The following PLCL1 variants were observed in gnomAD, a reference collection of about 807,000 sequenced individuals.
The protein encoded by PLCL1 is phospholipase C like 1 (inactive).
PLCL1 carries 41 observed loss-of-function variants against 84.4 expected under a neutral mutation model. That is an observed-to-expected ratio of 0.49 (90% confidence interval 0.38 to 0.63). The LOEUF (loss-of-function observed/expected upper bound fraction) is 0.63, where lower values mean the gene tolerates loss of function less well. PLCL1 is among the 30% of genes least tolerant of loss of function. PLCL1 has a pLI of 0.00. For missense variants in PLCL1, 1,206 were observed against 1,367.8 expected (o/e 0.88, Z 1.87); for synonymous variants, 490 against 488.3 (o/e 1.00, Z -0.05).
At position 198,052,139 on chromosome 2, in the gene PLCL1, C is replaced by G. The variant is rs1219425156; in HGVS notation, c.241-31619C>G. Among the ~76,000 whole-genome samples, 4 of 152,052 alleles carry G rather than the reference C, an allele frequency of 2.6e-5. No homozygotes were observed. In the East Asian group the frequency reaches 7.7e-4, roughly 29 times the overall value. On this transcript the variant is annotated intron_variant, in intron 1 of 5. Transcript: ENST00000428675. ...GTTGGCCAGGCTGGTCTCGAACTCC[C>G]TACCTCAGGTGATCCACCCGCCTTG... is the stretch of plus-strand genomic sequence containing the variant.
At position 197,858,163 on chromosome 2, in the gene PLCL1, G is replaced by A. The variant is rs142983325; in HGVS notation, c.240+52824G>A. ...GTCAAAATGAATATGTGATCTATTG[G>A]TAGGGAGGTAGCCTGGGTATTGCAA... On this transcript the variant is annotated intron_variant, in intron 1 of 5. Transcript: ENST00000428675. 2.2e-3 allele frequency among the ~76,000 whole-genome samples: 340 copies of A among 152,264 alleles called. 2 individuals carry two copies. Among genetic ancestry groups the A allele is most frequent in the African/African-American group, 7.7e-3 (320 of 41,542 alleles).
intron 5 of PLCL1, among the ~76,000 whole-genome samples, chr2:198,120,962 A>G (rs1186588905): frequency 6.6e-6 from 1 of 152,168 alleles, no homozygotes; most frequent in East Asian, 1.9e-4. Flanking sequence ...CCTTTTCTCC[A>G]TATCTTCGCC....
At chr2:197,903,097 T>C (rs150595996) in intron 1 of PLCL1, among the ~76,000 whole-genome samples, 138 of 152,260 alleles carry the variant, frequency 9.1e-4, no homozygotes, top group African/African-American at 3.0e-3. Context: ...CTACCATTTT[T>C]CCCCTTAATA....
intron 1 of PLCL1, among the ~76,000 whole-genome samples, chr2:198,015,942 C>T (rs1014588394): frequency 7.2e-5 from 11 of 152,064 alleles, no homozygotes; most frequent in Non-Finnish European, 1.2e-4. Flanking sequence ...TTTTTTACAA[C>T]TTACCTGACA....
At chr2:198,038,289 A>C (rs1327779887) in intron 1 of PLCL1, among the ~76,000 whole-genome samples, 1 of 152,170 alleles carries the variant, frequency 6.6e-6, no homozygotes, top group Non-Finnish European at 1.5e-5. Context: ...AGCCAGGCTC[A>C]GTTGTCTTCA....
chr2:198,113,113 G>A (rs887428112), intron 5 of PLCL1, among the ~76,000 whole-genome samples: 2 of 151,842 alleles, frequency 1.3e-5, no homozygotes, highest in Admixed American at 1.3e-4. Context: ...CGAGGTATCT[G>A]AAAAGATACT....
intron 1 of PLCL1, among the ~76,000 whole-genome samples, chr2:197,949,194 AACC>A (rs1234737230): frequency 1.3e-5 from 2 of 152,170 alleles, no homozygotes; most frequent in African/African-American, 4.8e-5. Context: ...TTTTCTGATA[AACC>A]AGAAGTCAGA....
At chr2:197,907,023 A>T (rs1389304076) in intron 1 of PLCL1, among the ~76,000 whole-genome samples, 2 of 152,144 alleles carry the variant, frequency 1.3e-5, no homozygotes, top group Non-Finnish European at 2.9e-5. Context: ...AGACAGAGAG[A>T]CATGGAACAT....
At chr2:198,021,232 G>C (rs975615708) in intron 1 of PLCL1, among the ~76,000 whole-genome samples, 1 of 152,176 alleles carries the variant, frequency 6.6e-6, no homozygotes, top group African/African-American at 2.4e-5. Flanking sequence ...CAGAGTCTCT[G>C]GGACACAGCT....
chr2:197,975,218 C>T (rs541045644), intron 1 of PLCL1, among the ~76,000 whole-genome samples: 1 of 142,106 alleles, frequency 7.0e-6, no homozygotes, highest in East Asian at 2.1e-4. Flanking sequence ...ATGCTTATGA[C>T]AATGCCAGTT....
intron 1 of PLCL1, among the ~76,000 whole-genome samples, chr2:197,909,211 T>C (rs561413753): frequency 9.8e-5 from 15 of 152,328 alleles, no homozygotes; most frequent in African/African-American, 3.6e-4. Context: ...GAAGTCTCCT[T>C]TAGGTACTTG....
At chr2:197,873,471 G>A (rs1226454044) in intron 1 of PLCL1, among the ~76,000 whole-genome samples, 1 of 152,090 alleles carries the variant, frequency 6.6e-6, no homozygotes, top group Non-Finnish European at 1.5e-5. Context: ...GTTCTTCTGG[G>A]CTGTGGCTGC....
chr2:197,813,675 G>A lies in PLCL1; in HGVS notation c.240+8336G>A, dbSNP rs528891073. Among the ~76,000 whole-genome samples the A allele has an allele frequency of 4.9e-4, 74 of 152,084 alleles. 2 individuals are homozygous for A. In the South Asian group the frequency reaches 1.0e-2, roughly 21 times the overall value. On this transcript the variant is annotated intron_variant, in intron 1 of 5. Coordinates refer to ENST00000428675, the MANE Select transcript of PLCL1 (RefSeq NM_006226.4). Reference sequence around the variant, plus strand: ...GTCTAGCATTGTTTTGAGCATTAACGTGTGTCAAATAATTTAATTCTCACA... The same window carrying A: ...GTCTAGCATTGTTTTGAGCATTAACATGTGTCAAATAATTTAATTCTCACA...
intron 1 of PLCL1, among the ~76,000 whole-genome samples, chr2:197,859,422 G>C (rs187048498): frequency 6.6e-6 from 1 of 152,152 alleles, no homozygotes; most frequent in Admixed American, 6.5e-5. Flanking sequence ...AAAATAAAAT[G>C]CTTAAAAATT....
chr2:197,947,283 A>G (rs1479613465), intron 1 of PLCL1, among the ~76,000 whole-genome samples: 1 of 149,750 alleles, frequency 6.7e-6, no homozygotes, highest in Non-Finnish European at 1.5e-5. Flanking sequence ...ATGTATGAGC[A>G]AAATAGTGCT....
chr2:197,903,275 A>G (rs923273760), intron 1 of PLCL1, among the ~76,000 whole-genome samples: 6 of 152,090 alleles, frequency 3.9e-5, no homozygotes, highest in African/African-American at 1.4e-4. Context: ...CACTATGCAA[A>G]CGCATGGATT....
chr2:197,982,203 G>GTATATA (rs544265489), intron 1 of PLCL1, among the ~76,000 whole-genome samples: 12 of 149,144 alleles, frequency 8.0e-5, no homozygotes, highest in African/African-American at 2.7e-4. Context: ...TAGAATTTAT[G>GTATATA]TATATATATA....
At chr2:197,854,483 C>T (rs1016586405) in intron 1 of PLCL1, among the ~76,000 whole-genome samples, 1 of 149,700 alleles carries the variant, frequency 6.7e-6, no homozygotes, top group African/African-American at 2.5e-5. Context: ...TAGTTTCCAG[C>T]AAAAAAAAAT....
At chr2:198,004,373 A>G (rs1044959285) in intron 1 of PLCL1, among the ~76,000 whole-genome samples, 1 of 152,216 alleles carries the variant, frequency 6.6e-6, no homozygotes, top group Non-Finnish European at 1.5e-5. Flanking sequence ...TAACTGATTA[A>G]AACATTCTGA....
Sources: allele counts gnomAD v4.1 joint callset (sites outside exome capture counted in the v4.1 genomes callset), GRCh38; gene constraint gnomAD v4.1.1; transcripts MANE v1.5; gene names NCBI Gene and HGNC (gene_info 2026-07-23, HGNC 2026-07-21).